FAM81A: variants seen among roughly 807,000 people sequenced by gnomAD.
The protein encoded by FAM81A is protein FAM81A.
In FAM81A, 19 loss-of-function variants were observed where a neutral mutation model predicts 46.7. That is an observed-to-expected ratio of 0.41 (90% confidence interval 0.28 to 0.60). The LOEUF is 0.60. Among genes scored for constraint, FAM81A ranks in the 20% least tolerant of loss-of-function variants. The pLI is 0.34. For missense variants in FAM81A, 377 were observed against 453.5 expected (o/e 0.83, Z 1.53); for synonymous variants, 183 against 152.9 (o/e 1.20, Z -1.45).
At chr15:59,434,145 G>A (rs1213940072), upstream of FAM81A, among the ~76,000 whole-genome samples, 1 of 152,138 alleles carries the variant, frequency 6.6e-6, no homozygotes, top group African/African-American at 2.4e-5. Flanking sequence ...GTGAGGCACC[G>A]TAACTGGCCC....
Position 59,507,363 on chromosome 15 carries a change from C to A in FAM81A, c.543+21C>A, listed in dbSNP as rs190397560. On this transcript the variant is annotated intron_variant, in intron 5 of 8. Coordinates refer to ENST00000288228, the MANE Select transcript of FAM81A (RefSeq NM_152450.3). ...GACAGGTACGACCTGTTTCAGGTAGCTTTTAGAAGCGGGTAATTTGTTCTT... is the reference window on the plus strand; with the variant it reads ...GACAGGTACGACCTGTTTCAGGTAGATTTTAGAAGCGGGTAATTTGTTCTT... 4 of 1,607,754 alleles carry A rather than the reference C, an allele frequency of 2.5e-6. No individual in the cohort carries two copies. In the Admixed American group the frequency reaches 6.8e-5, roughly 27 times the overall value.
intron 2 of FAM81A, among the ~76,000 whole-genome samples, chr15:59,412,205 G>A (rs1297636625): frequency 2.0e-5 from 3 of 152,162 alleles, no homozygotes; most frequent in African/African-American, 7.2e-5. Context: ...AGTGGACTGG[G>A]GGCTGGGACT....
At chr15:59,474,892 C>G (rs755937202) in intron 3 of FAM81A, among the ~76,000 whole-genome samples, 12 of 152,154 alleles carry the variant, frequency 7.9e-5, no homozygotes, top group Non-Finnish European at 1.3e-4. Flanking sequence ...TCTTCTAGAA[C>G]CTGATCTTCT....
At chr15:59,398,959 G>A (rs2081059040) in intron 1 of FAM81A, among the ~76,000 whole-genome samples, 1 of 151,926 alleles carries the variant, frequency 6.6e-6, no homozygotes, top group Admixed American at 6.6e-5. Flanking sequence ...CACGAGGTCA[G>A]GAGATCGAGA....
Position 59,459,929 on chromosome 15 carries a change from G to T in FAM81A, c.21-4G>T. 6.3e-7 allele frequency: 1 copy of T among 1,589,184 alleles called. No homozygotes were observed. Among genetic ancestry groups the T allele is most frequent in the Non-Finnish European group, 8.6e-7 (1 of 1,165,446 alleles). Reference sequence around the variant, plus strand: ...TTAACAACCCTCATGGTTCCCTTCTGCAGGCGAGTGAGAACCATGCCCCGA... The same window carrying T: ...TTAACAACCCTCATGGTTCCCTTCTTCAGGCGAGTGAGAACCATGCCCCGA... On this transcript the variant is annotated splice_polypyrimidine_tract_variant and splice_region_variant and intron_variant, in intron 2 of 8. Coordinates refer to ENST00000288228, the MANE Select transcript of FAM81A (RefSeq NM_152450.3).
At chr15:59,499,461 A>G (rs1213266157) in intron 4 of FAM81A, among the ~76,000 whole-genome samples, 3 of 152,170 alleles carry the variant, frequency 2.0e-5, no homozygotes, top group Admixed American at 2.0e-4. Context: ...ATTCATTTAT[A>G]TTGCTCGTTA....
At chr15:59,404,267 G>A (rs2081084909) in intron 2 of FAM81A, among the ~76,000 whole-genome samples, 1 of 152,004 alleles carries the variant, frequency 6.6e-6, no homozygotes, top group Non-Finnish European at 1.5e-5. Context: ...CTATACACGA[G>A]GCCTAAGTGG....
At chr15:59,521,211 T>TA in intron 8 of FAM81A, 43 bp from the exon 9 acceptor site, 5 of 1,583,146 alleles carry the variant, frequency 3.2e-6, no homozygotes, top group Non-Finnish European at 3.4e-6. Context: ...TACAGCATTT[T>TA]AAAAAAATTG....
At chr15:59,457,078 C>A (rs1362773718) in intron 1 of FAM81A, among the ~76,000 whole-genome samples, 1 of 152,198 alleles carries the variant, frequency 6.6e-6, no homozygotes, top group African/African-American at 2.4e-5. Flanking sequence ...AACAGCATTT[C>A]CCACACTGGC....
At chr15:59,482,006 T>C (rs1444134482) in intron 3 of FAM81A, among the ~76,000 whole-genome samples, 1 of 152,130 alleles carries the variant, frequency 6.6e-6, no homozygotes, top group African/African-American at 2.4e-5. Flanking sequence ...CATAGCAAAA[T>C]TGAGCAGAAA....
chr15:59,434,596 A>C (rs1471098772), upstream of FAM81A, among the ~76,000 whole-genome samples: 1 of 152,026 alleles, frequency 6.6e-6, no homozygotes, highest in Non-Finnish European at 1.5e-5. Flanking sequence ...TCACTCTTAC[A>C]TCTCTGGGTC....
chr15:59,463,120 A>G (rs1401219266), intron 3 of FAM81A, among the ~76,000 whole-genome samples: 1 of 152,146 alleles, frequency 6.6e-6, no homozygotes, highest in African/African-American at 2.4e-5. Flanking sequence ...ATTTTCTCCT[A>G]TGTTTAATTC....
Position 59,521,613 on chromosome 15 carries a change from T to TC in FAM81A, c.*240dup, listed in dbSNP as rs1240994917. 1.6e-5 allele frequency: 6 copies of TC among 385,566 alleles called. No individual in the cohort carries two copies. Among genetic ancestry groups the TC allele is most frequent in the Non-Finnish European group, 4.4e-6 (1 of 227,262 alleles). 23.9% of individuals were successfully genotyped at this position (385,566 alleles called of 1,614,324 possible). On this transcript the variant is annotated 3_prime_UTR_variant, in exon 9 of 9. Coordinates refer to ENST00000288228, the MANE Select transcript of FAM81A (RefSeq NM_152450.3). ...TTCACTTCTCTAAATTCAATGGAAA[T>TC]CCCCCGCCCTGGATTTTGAAAGGCT... is the stretch of plus-strand genomic sequence containing the variant.
At chr15:59,478,049 G>A (rs944540055) in intron 3 of FAM81A, among the ~76,000 whole-genome samples, 8 of 152,160 alleles carry the variant, frequency 5.3e-5, no homozygotes, top group Non-Finnish European at 7.3e-5. Context: ...CCTGGAAGCC[G>A]AGCCCTGGTG....
At chr15:59,459,352 A>G (rs575193833) in intron 2 of FAM81A, among the ~76,000 whole-genome samples, 2 of 152,336 alleles carry the variant, frequency 1.3e-5, no homozygotes, top group African/African-American at 4.8e-5. Flanking sequence ...GATTTCACAT[A>G]CAAGTCGGGA....
intron 1 of FAM81A, among the ~76,000 whole-genome samples, chr15:59,450,609 C>T (rs2081407449): frequency 6.6e-6 from 1 of 151,998 alleles, no homozygotes; most frequent in African/African-American, 2.4e-5. Flanking sequence ...GAAATGGTAT[C>T]TCTGGGGGAT....
At chr15:59,450,763 A>G (rs1194287654) in intron 1 of FAM81A, among the ~76,000 whole-genome samples, 2 of 152,252 alleles carry the variant, frequency 1.3e-5, no homozygotes, top group Non-Finnish European at 2.9e-5. Flanking sequence ...TTTGCCAAGC[A>G]AGACAGCCAC....
intron 3 of FAM81A, among the ~76,000 whole-genome samples, chr15:59,486,102 C>G (rs1377371283): frequency 6.6e-6 from 1 of 152,046 alleles, no homozygotes; most frequent in Non-Finnish European, 1.5e-5. Context: ...TCGCTTGAAC[C>G]CAGGAGGCAG....
At chr15:59,456,647 C>T (rs1422016101) in intron 1 of FAM81A, among the ~76,000 whole-genome samples, 1 of 152,192 alleles carries the variant, frequency 6.6e-6, no homozygotes, top group African/African-American at 2.4e-5. Context: ...GCTATCATGG[C>T]TCACTGTAGC....
Sources: gnomAD v4.1 joint callset for allele counts (sites outside exome capture counted in the v4.1 genomes callset) on GRCh38, gnomAD v4.1.1 for gene constraint, MANE v1.5 for transcripts, NCBI Gene and HGNC (gene_info 2026-07-23, HGNC 2026-07-21) for gene names.